Variants in SORT1 observed in about 807,000 individuals in gnomAD.
SORT1 encodes sortilin.
In SORT1, 39 loss-of-function variants were observed where a neutral mutation model predicts 101.7. The observed-to-expected ratio is 0.38, with a 90% CI of 0.30 to 0.50. SORT1 has a LOEUF of 0.50. SORT1 is among the 20% of genes least tolerant of loss of function. SORT1 has a pLI of 0.90. For synonymous variants in SORT1, 396 were observed against 393.7 expected (o/e 1.01, Z -0.07); for missense variants, 878 against 1,040.4 (o/e 0.84, Z 2.15).
chr1:109,376,508 C>G (rs1651867392), intron 1 of SORT1, among the ~76,000 whole-genome samples: 1 of 141,208 alleles, frequency 7.1e-6, no homozygotes, highest in African/African-American at 2.6e-5. Context: ...TGCCCATCAG[C>G]AGTGGATTGG....
chr1:109,350,700 GT>G (rs1649905096), intron 6 of SORT1, among the ~76,000 whole-genome samples: 2 of 152,170 alleles, frequency 1.3e-5, no homozygotes, highest in Non-Finnish European at 2.9e-5. Flanking sequence ...CACCTGCCTT[GT>G]TTTATACTTT....
chr1:109,312,426 T>C lies in SORT1; in HGVS notation c.*1617A>G, dbSNP rs1203752210. 73 of 152,514 alleles carry C rather than the reference T, an allele frequency of 4.8e-4. No individual in the cohort carries two copies. The highest frequency in any genetic ancestry group is 2.9e-5 in the Non-Finnish European group (2 of 67,994). 9.4% of individuals were successfully genotyped at this position (152,514 alleles called of 1,614,324 possible). On this transcript the variant is annotated 3_prime_UTR_variant, in exon 20 of 20. Transcript: ENST00000256637. The stretch of plus-strand genomic sequence containing the variant: ...AGTCTCCATCCACTCTCTCCCCCAC[T>C]TTCCACGCAGCTGTTAATCCATTCT...
intron 17 of SORT1, among the ~76,000 whole-genome samples, chr1:109,315,980 C>T (rs1647202558): frequency 6.6e-6 from 1 of 151,642 alleles, no homozygotes; most frequent in African/African-American, 2.4e-5. Context: ...GGCTGCTCTC[C>T]AATTCATAGC....
intron 15 of SORT1, among the ~76,000 whole-genome samples, chr1:109,319,412 G>A (rs1037371174): frequency 3.9e-5 from 6 of 152,238 alleles, no homozygotes; most frequent in Non-Finnish European, 7.3e-5. Context: ...AGCTGGCAGC[G>A]TCTCCTTAGC....
chr1:109,325,231 CTTTTTTT>C lies in SORT1; in HGVS notation c.1644-149_1644-143del, dbSNP rs35552184. On this transcript the variant is annotated intron_variant, in intron 13 of 19. Coordinates refer to ENST00000256637, the MANE Select transcript of SORT1 (RefSeq NM_002959.7). ...GCTTATTGGCTGACAATTATTTTAA[CTTTTTTT>C]TTTTTTTTTTTTTTTTCTGAGATGG... 368 of 190,546 alleles carry C rather than the reference CTTTTTTT, an allele frequency of 1.9e-3. 2 individuals are homozygous for C. Among genetic ancestry groups the C allele is most frequent in the African/African-American group, 0.011 (302 of 27,032 alleles). The allele number at this position is 190,546 out of a possible 1,614,324, so 11.8% of individuals were successfully genotyped here. A position where few individuals can be genotyped will look rare whatever the true frequency, so the allele number is the denominator to read the frequency against.
chr1:109,335,175 A>G (rs1243407026), intron 11 of SORT1, among the ~76,000 whole-genome samples: 2 of 152,118 alleles, frequency 1.3e-5, no homozygotes, highest in Non-Finnish European at 2.9e-5. Flanking sequence ...ATGACAATGA[A>G]AAGGTGGCAG....
chr1:109,326,464 T>TATAC (rs1403742313), intron 13 of SORT1, among the ~76,000 whole-genome samples: 5 of 64,122 alleles, frequency 7.8e-5, no homozygotes, highest in African/African-American at 3.0e-4. Context: ...TATATATATA[T>TATAC]ACATACACAC....
chr1:109,336,983 A>G (rs936577432), intron 10 of SORT1, among the ~76,000 whole-genome samples: 1 of 152,148 alleles, frequency 6.6e-6, no homozygotes, highest in Non-Finnish European at 1.5e-5. Flanking sequence ...CTGGGAAGTA[A>G]AATCTACCAC....
chr1:109,392,994 A>G lies in SORT1; in HGVS notation c.306+4593T>C, dbSNP rs943404839. The stretch of plus-strand genomic sequence containing the variant: ...GGCCAAGTATTGGAAGAAATGAGGC[A>G]GTTAGGAAGTTCCGGGGCATTAAAG... On this transcript the variant is annotated intron_variant, in intron 1 of 19. Coordinates refer to ENST00000256637, the MANE Select transcript of SORT1 (RefSeq NM_002959.7). The G allele has an allele frequency of 4.1e-6, 4 of 985,366 alleles. No homozygotes were observed. The African/African-American group carries it at 7.0e-5, about 17-fold the overall frequency. The allele number at this position is 985,366 out of a possible 1,614,324, so 61.0% of individuals were successfully genotyped here. A position where few individuals can be genotyped will look rare whatever the true frequency, so the allele number is the denominator to read the frequency against.
chr1:109,317,185 T>C (rs1647274774), intron 16 of SORT1, among the ~76,000 whole-genome samples: 1 of 152,182 alleles, frequency 6.6e-6, no homozygotes, highest in African/African-American at 2.4e-5. Flanking sequence ...AACATGCCTG[T>C]TCTTTCTACC....
chr1:109,366,012 G>A (rs997007793), intron 3 of SORT1, among the ~76,000 whole-genome samples: 11 of 152,162 alleles, frequency 7.2e-5, no homozygotes, highest in Non-Finnish European at 1.0e-4. Flanking sequence ...GAGATACCCT[G>A]ACCCTAGGGT....
intron 8 of SORT1, 80 bp downstream of exon 8, chr1:109,345,671 A>C (rs978129659): frequency 2.3e-6 from 3 of 1,328,874 alleles, no homozygotes; most frequent in African/African-American, 3.0e-5. Context: ...AAACTCTGTC[A>C]ATGCCAAGTA....
intron 1 of SORT1, among the ~76,000 whole-genome samples, chr1:109,380,313 T>A (rs1312007268): frequency 6.6e-6 from 1 of 152,018 alleles, no homozygotes; most frequent in East Asian, 1.9e-4. Context: ...ACTAGAAGTA[T>A]AAGCGAATAT....
intron 5 of SORT1, among the ~76,000 whole-genome samples, chr1:109,351,968 GTGTGTGTGTGT>G (rs1649996704): frequency 6.2e-5 from 1 of 16,074 alleles, no homozygotes; most frequent in Non-Finnish European, 2.7e-4. Context: ...AGGTAGGGGT[GTGTGTGTGTGT>G]GTGTGTGTGT....
intron 1 of SORT1, chr1:109,392,842 A>C: frequency 2.0e-6 from 2 of 985,204 alleles, no homozygotes; most frequent in Non-Finnish European, 1.2e-6. Context: ...CTGCTCAACC[A>C]GGACCAAGAA....
chr1:109,381,026 T>C (rs189627453), intron 1 of SORT1, among the ~76,000 whole-genome samples: 30 of 152,108 alleles, frequency 2.0e-4, no homozygotes, highest in Admixed American at 1.2e-3. Flanking sequence ...AGTGAGGGCA[T>C]AGGGACCAGA....
At chr1:109,333,996 A>G (rs1648637779) in intron 11 of SORT1, among the ~76,000 whole-genome samples, 1 of 152,118 alleles carries the variant, frequency 6.6e-6, no homozygotes, top group Non-Finnish European at 1.5e-5. Context: ...GACACAAAAA[A>G]TTAGCCGGGC....
At chr1:109,317,343 A>C (rs1647285975) in intron 16 of SORT1, among the ~76,000 whole-genome samples, 1 of 152,194 alleles carries the variant, frequency 6.6e-6, no homozygotes, top group Non-Finnish European at 1.5e-5. Context: ...AAATTGATTA[A>C]AACGAAAATT....
At position 109,313,523 on chromosome 1, in the gene SORT1, G is replaced by A. The variant is rs1038067550; in HGVS notation, c.*520C>T. Reference sequence around the variant, plus strand: ...GGAGCTGGTGTGCAGTGTTCTTGGAGTAGGACTGTCCCCAGATGGAGAAAA... The same window carrying A: ...GGAGCTGGTGTGCAGTGTTCTTGGAATAGGACTGTCCCCAGATGGAGAAAA... On this transcript the variant is annotated 3_prime_UTR_variant, in exon 20 of 20. Transcript: ENST00000256637. The A allele has an allele frequency of 3.7e-5, 6 of 161,334 alleles. No homozygotes were observed. In the East Asian group the frequency reaches 1.1e-3, roughly 30 times the overall value. 10.0% of individuals were successfully genotyped at this position (161,334 alleles called of 1,614,324 possible). A position where few individuals can be genotyped will look rare whatever the true frequency, so the allele number is the denominator to read the frequency against.
Sources: allele counts gnomAD v4.1 joint callset (sites outside exome capture counted in the v4.1 genomes callset), GRCh38; gene constraint gnomAD v4.1.1; transcripts MANE v1.5; gene names NCBI Gene and HGNC (gene_info 2026-07-23, HGNC 2026-07-21).